The following VDAC1 variants were observed in gnomAD, a reference collection of about 807,000 sequenced individuals.
The protein encoded by VDAC1 is voltage dependent anion channel 1, also known as non-selective voltage-gated ion channel VDAC1.
In VDAC1, 10 loss-of-function variants were observed where a neutral mutation model predicts 34.7. The observed-to-expected ratio is 0.29, with a 90% CI of 0.18 to 0.49. The LOEUF (loss-of-function observed/expected upper bound fraction) is 0.49, where lower values mean the gene tolerates loss of function less well. VDAC1 is among the 20% of genes least tolerant of loss of function. The probability of loss-of-function intolerance (pLI) is 0.99; values close to 1 mark genes in which losing one functional copy is unlikely to be tolerated. For missense variants in VDAC1, 230 were observed against 347.9 expected, an observed-to-expected ratio of 0.66 and a Z score of 2.69; for synonymous variants, 130 against 136.0, an observed-to-expected ratio of 0.96 and a Z score of 0.30.
At chr5:133,975,842 G>C in intron 7 of VDAC1, 29 bp downstream of exon 7, 1 of 1,610,356 alleles carries the variant, frequency 6.2e-7, no homozygotes, top group Non-Finnish European at 8.5e-7. Flanking sequence ...GGGCCTGCCT[G>C]TGAGATGCGT....
chr5:134,032,309 T>C, the VDAC1 span, among the ~76,000 whole-genome samples: 1 of 152,022 alleles, frequency 6.6e-6, no homozygotes, highest in African/African-American at 2.4e-5. Context: ...TTCAGACTTG[T>C]GGCCCAAGAA....
upstream of VDAC1, among the ~76,000 whole-genome samples, chr5:134,009,537 G>A (rs1351593407): frequency 6.6e-6 from 1 of 151,668 alleles, no homozygotes; most frequent in African/African-American, 2.4e-5. Context: ...GATTACAGGT[G>A]TGAGCCACTG....
the VDAC1 span, among the ~76,000 whole-genome samples, chr5:134,059,551 C>T: frequency 1.3e-5 from 2 of 152,196 alleles, no homozygotes; most frequent in African/African-American, 2.4e-5. Context: ...AGAAGCCCGT[C>T]GCGCTGTTTC....
chr5:133,995,649 C>A (rs894114559), intron 1 of VDAC1, among the ~76,000 whole-genome samples: 5 of 152,112 alleles, frequency 3.3e-5, no homozygotes, highest in Non-Finnish European at 7.3e-5. Context: ...TTCGGCCCAT[C>A]CCCTGCTGCA....
chr5:134,064,429 C>T, the VDAC1 span, among the ~76,000 whole-genome samples: 2 of 152,140 alleles, frequency 1.3e-5, no homozygotes, highest in Non-Finnish European at 2.9e-5. Flanking sequence ...CTCAACCTCC[C>T]GAGTAGCTGG....
At chr5:133,982,158 A>G (rs568624213) in intron 5 of VDAC1, among the ~76,000 whole-genome samples, 26 of 152,352 alleles carry the variant, frequency 1.7e-4, no homozygotes, top group East Asian at 1.3e-3. Context: ...GTGAGCCTCA[A>G]TAAGAAAAAT....
the VDAC1 span, among the ~76,000 whole-genome samples, chr5:134,044,923 G>A: frequency 5.3e-5 from 8 of 152,208 alleles, no homozygotes. Flanking sequence ...GCCATCCTGG[G>A]GAAGGGAGGC....
At chr5:134,000,565 G>A (rs1213963876) in intron 1 of VDAC1, among the ~76,000 whole-genome samples, 1 of 152,208 alleles carries the variant, frequency 6.6e-6, no homozygotes, top group African/African-American at 2.4e-5. Flanking sequence ...AGGTAGGGTT[G>A]AGACAGACAG....
At chr5:134,114,099 G>A in the VDAC1 span, among the ~76,000 whole-genome samples, 1 of 152,202 alleles carries the variant, frequency 6.6e-6, no homozygotes, top group Non-Finnish European at 1.5e-5. Flanking sequence ...GCACGCAACA[G>A]GAGCTCAATA....
At chr5:134,007,372 G>T (rs1753774214), upstream of VDAC1, among the ~76,000 whole-genome samples, 1 of 152,138 alleles carries the variant, frequency 6.6e-6, no homozygotes, top group Non-Finnish European at 1.5e-5. Context: ...GAGTTCGAGG[G>T]TGCAGTGAGC....
chr5:134,082,811 C>G, the VDAC1 span, among the ~76,000 whole-genome samples: 2 of 152,174 alleles, frequency 1.3e-5, no homozygotes, highest in African/African-American at 4.8e-5. Context: ...CTGCATTTCC[C>G]TGATGACTAA....
chr5:134,071,284 G>C, the VDAC1 span, among the ~76,000 whole-genome samples: 2 of 152,228 alleles, frequency 1.3e-5, no homozygotes, highest in African/African-American at 4.8e-5. This position sits in a 1 kb window ranked among gnomAD's most constrained non-coding sequence, Gnocchi z 4.1. Context: ...CGTGCGGGAG[G>C]GGGCAGCCAG....
At chr5:134,048,115 C>T in the VDAC1 span, among the ~76,000 whole-genome samples, 1 of 150,650 alleles carries the variant, frequency 6.6e-6, no homozygotes, top group African/African-American at 2.4e-5. Context: ...CTACAGGTGC[C>T]CACCACCATG....
the VDAC1 span, among the ~76,000 whole-genome samples, chr5:134,020,102 T>A: frequency 2.0e-5 from 3 of 151,974 alleles, no homozygotes; most frequent in Non-Finnish European, 4.4e-5. Context: ...AGGGGTATGC[T>A]GACCATCAGG....
At chr5:134,086,082 G>A in the VDAC1 span, among the ~76,000 whole-genome samples, 1 of 152,192 alleles carries the variant, frequency 6.6e-6, no homozygotes, top group Non-Finnish European at 1.5e-5. Flanking sequence ...CGTAATCCCA[G>A]CCACTTGGGA....
chr5:134,021,125 G>A, the VDAC1 span, among the ~76,000 whole-genome samples: 1 of 151,914 alleles, frequency 6.6e-6, no homozygotes, highest in East Asian at 1.9e-4. Flanking sequence ...GGAGGTCAAG[G>A]CTACAGTGAG....
chr5:134,029,762 G>A, the VDAC1 span, among the ~76,000 whole-genome samples: 1 of 152,194 alleles, frequency 6.6e-6, no homozygotes, highest in African/African-American at 2.4e-5. Flanking sequence ...TAGGGATGGT[G>A]GGAAAAGGGC....
At chr5:134,041,576 C>A in the VDAC1 span, among the ~76,000 whole-genome samples, 2 of 152,200 alleles carry the variant, frequency 1.3e-5, no homozygotes, top group African/African-American at 4.8e-5. Context: ...AATGCCCCCT[C>A]CCCACTCCAG....
chr5:134,065,105 C>T, the VDAC1 span, among the ~76,000 whole-genome samples: 1 of 151,910 alleles, frequency 6.6e-6, no homozygotes, highest in Non-Finnish European at 1.5e-5. Context: ...GGATACTCAC[C>T]TTATTAATTT....
Sources: gnomAD v4.1 joint callset for allele counts (sites outside exome capture counted in the v4.1 genomes callset) on GRCh38, gnomAD v4.1.1 for gene constraint, Gnocchi (gnomAD v3.1) non-coding constraint, MANE v1.5 for transcripts, NCBI Gene and HGNC (gene_info 2026-07-23, HGNC 2026-07-21) for gene names.